The following PCDHGB2 variants were observed in gnomAD, a reference collection of about 807,000 sequenced individuals.
PCDHGB2 encodes the protein protocadherin gamma-B2.
PCDHGB2 carries 55 observed loss-of-function variants against 59.3 expected under a neutral mutation model. The ratio of observed to expected loss-of-function variants is 0.93; its 90% CI spans 0.75 to 1.16. The LOEUF (loss-of-function observed/expected upper bound fraction) is 1.16. Among genes scored for constraint, PCDHGB2 ranks in the 50% most tolerant of loss-of-function variants. The pLI is 0.00. For synonymous variants in PCDHGB2, 516 were observed against 512.0 expected (o/e 1.01, Z -0.11); for missense variants, 1,228 against 1,198.5 (o/e 1.02, Z -0.36).
At chr5:141,419,542 G>C (rs771168003) in intron 1 of PCDHGB2, 3 of 1,612,016 alleles carry the variant, frequency 1.9e-6, no homozygotes, top group South Asian at 2.2e-5. Flanking sequence ...ACGCACCGCG[G>C]GTGCTGTACC....
intron 1 of PCDHGB2, among the ~76,000 whole-genome samples, chr5:141,435,478 C>A (rs1279447863): frequency 6.6e-6 from 1 of 152,146 alleles, no homozygotes; most frequent in Non-Finnish European, 1.5e-5. Flanking sequence ...TTAGACATTT[C>A]TTTTGCCCAT....
intron 1 of PCDHGB2, chr5:141,468,696 C>G (rs1483766202): frequency 6.6e-6 from 1 of 151,386 alleles, no homozygotes; most frequent in East Asian, 2.0e-4. Context: ...GAAACCCCGT[C>G]TCTACTAAAA....
At position 141,511,127 on chromosome 5, in the gene PCDHGB2, G is replaced by C; in HGVS notation, c.2750G>C (p.Gly917Ala). 1 of 1,614,194 alleles carries C rather than the reference G, an allele frequency of 6.2e-7. No individual in the cohort carries two copies. Among genetic ancestry groups the C allele is most frequent in the Non-Finnish European group, 8.5e-7 (1 of 1,180,018 alleles). The change falls in exon 4 of 4, where the codon GGT becomes GCT. Residue 917 changes from glycine to alanine, a missense_variant. Coordinates refer to ENST00000522605, the MANE Select transcript of PCDHGB2 (RefSeq NM_018923.3). ...AGKRDGKAPA[G>A]GNGNKKKSGK... ...AAGCGGGATGGCAAGGCCCCAGCAG[G>C]TGGCAATGGCAACAAGAAGAAGTCG...
intron 1 of PCDHGB2, chr5:141,400,772 G>T: frequency 1.8e-6 from 1 of 570,264 alleles, no homozygotes. Context: ...AAAACATTTG[G>T]TGCGTTTTTT....
intron 1 of PCDHGB2, chr5:141,391,114 A>G (rs2092301730): frequency 6.6e-6 from 1 of 152,176 alleles, no homozygotes; most frequent in African/African-American, 2.4e-5. Context: ...TAATATAGCT[A>G]GAGGTCTTCT....
At chr5:141,385,197 T>A (rs371691840) in intron 1 of PCDHGB2, 1 of 1,613,774 alleles carries the variant, frequency 6.2e-7, no homozygotes, top group African/African-American at 1.3e-5. Flanking sequence ...CTCGGAAGAG[T>A]CACCTGATCT....
At chr5:141,410,196 C>T (rs773310778) in intron 1 of PCDHGB2, 3 of 1,613,984 alleles carry the variant, frequency 1.9e-6, no homozygotes, top group East Asian at 4.5e-5. Context: ...CTGGTCTTCG[C>T]AGACAACTTG....
At chr5:141,471,252 T>C (rs1003162914) in intron 1 of PCDHGB2, 1 of 151,872 alleles carries the variant, frequency 6.6e-6, no homozygotes, top group Non-Finnish European at 1.5e-5. Flanking sequence ...GGTTTCACCA[T>C]GTTGGCAAGG....
intron 3 of PCDHGB2, among the ~76,000 whole-genome samples, chr5:141,509,050 C>T (rs867585045): frequency 1.6e-4 from 25 of 152,304 alleles, no homozygotes; most frequent in Admixed American, 5.2e-4. Flanking sequence ...CCCCCGCCCC[C>T]AGAAAGCTCT....
Position 141,395,219 on chromosome 5 carries a change from T to G in PCDHGB2, c.2421+32663T>G, listed in dbSNP as rs1303078300. On this transcript the variant is annotated intron_variant, in intron 1 of 3. Coordinates refer to ENST00000522605, the MANE Select transcript of PCDHGB2 (RefSeq NM_018923.3). Reference sequence around the variant, plus strand: ...CCGTAGATTTTCATGAATATAAGAATGAAGCTGATCATGGTCAGGTGAGTT... The same window carrying G: ...CCGTAGATTTTCATGAATATAAGAAGGAAGCTGATCATGGTCAGGTGAGTT... 3.7e-6 allele frequency: 6 copies of G among 1,611,924 alleles called. No individual in the cohort carries two copies. In the African/African-American group the frequency reaches 4.0e-5, roughly 11 times the overall value.
intron 1 of PCDHGB2, chr5:141,478,484 C>A (rs376021397): frequency 1.2e-5 from 20 of 1,613,340 alleles, no homozygotes; most frequent in Non-Finnish European, 1.4e-5. Context: ...GAACACGCTG[C>A]GGAGCTGTGA....
In PCDHGB2 at chr5:141,361,444, A is replaced by G. The variant is rs750659023; in HGVS notation, c.1309A>G (p.Ile437Val). 4.3e-6 allele frequency: 7 copies of G among 1,613,988 alleles called. No individual in the cohort carries two copies. The Admixed American group carries it at 1.0e-4, about 23-fold the overall frequency. ...GGKPPLSSSI[I>V]VTLHISDVND... ...CAAGCCGCCCCTCTCCTCCAGCATA[A>G]TTGTCACCCTGCACATCTCCGACGT... Residue 437 changes from isoleucine to valine, a missense_variant, in exon 1 of 4, where the codon ATT (isoleucine) becomes GTT (valine). By Grantham distance (29) the Ile-to-Val change is conservative. Transcript: ENST00000522605.
At position 141,418,416 on chromosome 5, in the gene PCDHGB2, C is replaced by A. The variant is rs377542164; in HGVS notation, c.2421+55860C>A. On this transcript the variant is annotated intron_variant, in intron 1 of 3. Transcript: ENST00000522605. ...TTCTCATTGGTGGAGAAAGACAATC[C>A]TGATGGTGGCAAATATCCAGAATTA... The A allele has an allele frequency of 3.7e-6, 6 of 1,613,866 alleles. No individual in the cohort carries two copies. The African/African-American group carries it at 8.0e-5, about 22-fold the overall frequency.
chr5:141,448,669 G>A (rs553283446), intron 1 of PCDHGB2, among the ~76,000 whole-genome samples: 13 of 152,136 alleles, frequency 8.5e-5, no homozygotes, highest in African/African-American at 7.2e-5. Flanking sequence ...GGCCGGGCGC[G>A]GTGGCTCACG....
chr5:141,388,355 C>T (rs1204433407), intron 1 of PCDHGB2: 6 of 1,613,954 alleles, frequency 3.7e-6, no homozygotes, highest in Non-Finnish European at 5.1e-6. Flanking sequence ...TAGGATCTGC[C>T]CATGATGCGG....
At position 141,491,466 on chromosome 5, in the gene PCDHGB2, T is replaced by C; in HGVS notation, c.2422-3341T>C. The C allele has an allele frequency of 6.2e-7, 1 of 1,614,068 alleles. No homozygotes were observed. The highest frequency in any genetic ancestry group is 8.5e-7 in the Non-Finnish European group (1 of 1,179,986). ...AGGACTCACCCTCCCCGGACTTCTA[T>C]AAGCAGTCCAGCCCCAACCTGCAGG... On this transcript the variant is annotated intron_variant, in intron 1 of 3. Transcript: ENST00000522605. The surrounding 1 kb of genome is among the most constrained non-coding windows in gnomAD (Gnocchi z 6.9).
intron 1 of PCDHGB2, chr5:141,428,119 C>T (rs2097112199): frequency 6.2e-7 from 1 of 1,606,512 alleles, no homozygotes; most frequent in Non-Finnish European, 8.5e-7. Context: ...GCCATCGAGC[C>T]CGGGCTTTTC....
At chr5:141,483,323 G>A (rs2099579999) in intron 1 of PCDHGB2, among the ~76,000 whole-genome samples, 1 of 152,104 alleles carries the variant, frequency 6.6e-6, no homozygotes, top group Non-Finnish European at 1.5e-5. Flanking sequence ...GGGACTGGAG[G>A]CAAAGAGATC....
intron 1 of PCDHGB2, chr5:141,377,824 A>G (rs1774374957): frequency 6.6e-6 from 1 of 152,212 alleles, no homozygotes; most frequent in Admixed American, 6.5e-5. Context: ...TGGGCCAGTT[A>G]CAATCGCCAT....
Sources: allele counts gnomAD v4.1 joint callset (sites outside exome capture counted in the v4.1 genomes callset), GRCh38; gene constraint gnomAD v4.1.1; non-coding constraint Gnocchi (gnomAD v3.1); transcripts MANE v1.5; gene names NCBI Gene and HGNC (gene_info 2026-07-23, HGNC 2026-07-21).